Variants in GRIK4 observed in about 807,000 individuals in gnomAD.
The protein encoded by GRIK4 is glutamate ionotropic receptor kainate type subunit 4, also known as glutamate receptor ionotropic, kainate 4.
In GRIK4, 40 loss-of-function variants were observed where a neutral mutation model predicts 104.9. The observed-to-expected ratio is 0.38, with a 90% CI of 0.30 to 0.50. GRIK4 has a LOEUF of 0.50. Among genes scored for constraint, GRIK4 ranks in the 20% least tolerant of loss-of-function variants. The pLI is 0.93. For synonymous variants in GRIK4, 485 were observed against 524.9 expected (o/e 0.92, Z 1.04); for missense variants, 1,047 against 1,308.1 (o/e 0.80, Z 3.08).
At chr11:120,755,612 C>CA (rs1015268446) in intron 3 of GRIK4, among the ~76,000 whole-genome samples, 54 of 148,876 alleles carry the variant, frequency 3.6e-4, no homozygotes, top group African/African-American at 9.2e-4. Flanking sequence ...GACCTTGTCT[C>CA]AAAAAAATAA....
At chr11:120,978,687 G>C (rs1219566374) in intron 19 of GRIK4, among the ~76,000 whole-genome samples, 1 of 152,154 alleles carries the variant, frequency 6.6e-6, no homozygotes, top group Admixed American at 6.5e-5. Context: ...GGAATAGGGA[G>C]AAGGGTAAGA....
At position 120,905,511 on chromosome 11, in the gene GRIK4, G is replaced by A; in HGVS notation, c.1476+18G>A. The stretch of plus-strand genomic sequence containing the variant: ...TCGCTAGGGTAAGGAGAGGACAAGT[G>A]ATCTGGGCCTGAGGGTGGGCTGGGA... On this transcript the variant is annotated intron_variant, in intron 13 of 20. Transcript: ENST00000527524. This position sits in a 1 kb window ranked among gnomAD's most constrained non-coding sequence, Gnocchi z 5.1. 3.3e-6 allele frequency: 2 copies of A among 604,004 alleles called. No individual in the cohort carries two copies. The highest frequency in any genetic ancestry group is 2.8e-5 in the South Asian group (2 of 72,322). The allele number at this position is 604,004 out of a possible 1,614,324, so 37.4% of individuals were successfully genotyped here.
chr11:120,880,905 C>T (rs1003576422), intron 11 of GRIK4, among the ~76,000 whole-genome samples: 1 of 152,092 alleles, frequency 6.6e-6, no homozygotes, highest in Non-Finnish European at 1.5e-5. Context: ...TGTCAGGGGC[C>T]GGGAATGTAA....
intron 4 of GRIK4, 152 bp from the exon 5 acceptor site, chr11:120,815,226 A>T (rs748617799): frequency 7.7e-5 from 45 of 581,298 alleles, no homozygotes; most frequent in Non-Finnish European, 1.3e-4. Flanking sequence ...AGAAGGAGAG[A>T]CTCTGGGTTT....
chr11:120,666,043 A>G (rs1057488740), intron 3 of GRIK4, among the ~76,000 whole-genome samples: 4 of 152,252 alleles, frequency 2.6e-5, no homozygotes, highest in African/African-American at 7.2e-5. Flanking sequence ...TCCGTTTTAC[A>G]GATAAGAAAT....
At chr11:120,707,383 G>A (rs548992547) in intron 3 of GRIK4, among the ~76,000 whole-genome samples, 23 of 152,274 alleles carry the variant, frequency 1.5e-4, no homozygotes, top group African/African-American at 5.3e-4. Context: ...CTGCCAGTGC[G>A]GGTAAAATCA....
At chr11:120,724,097 G>A (rs1435859451) in intron 3 of GRIK4, among the ~76,000 whole-genome samples, 1 of 152,168 alleles carries the variant, frequency 6.6e-6, no homozygotes, top group Non-Finnish European at 1.5e-5. Context: ...TTAGCGTAAT[G>A]CATTTTACAA....
rs574925741 is a variant in GRIK4, at chr11:120,824,769, C to T, written c.511+4849C>T. Among the ~76,000 whole-genome samples, 35 of 152,010 alleles carry T rather than the reference C, an allele frequency of 2.3e-4. No individual in the cohort carries two copies. In the East Asian group the frequency reaches 2.7e-3, roughly 12 times the overall value. ...TTCACCATGTTGGCCAGGCTGGTCTCGAACCCCTGACCTCAGGTGATCTGC... is the reference window on the plus strand; with the variant it reads ...TTCACCATGTTGGCCAGGCTGGTCTTGAACCCCTGACCTCAGGTGATCTGC... On this transcript the variant is annotated intron_variant, in intron 6 of 20. Coordinates refer to ENST00000527524, the MANE Select transcript of GRIK4 (RefSeq NM_014619.5).
chr11:120,986,118 C>G lies in GRIK4; in HGVS notation c.2729C>G (p.Ala910Gly). The G allele has an allele frequency of 6.6e-7, 1 of 1,517,194 alleles. No individual in the cohort carries two copies. The highest frequency in any genetic ancestry group is 1.2e-5 in the South Asian group (1 of 82,142). The allele number at this position is 1,517,194 out of a possible 1,614,324, so 94.0% of individuals were successfully genotyped here. The change falls in exon 21 of 21, where the codon GCC becomes GGC. Residue 910 changes from alanine (A) to glycine (G), a missense_variant. By Grantham distance (60) the Ala-to-Gly change is moderately conservative. This residue lies in a region of GRIK4 where 160 missense variants were observed against 140.9 expected (regional missense o/e 1.14). Transcript: ENST00000527524. ...GCGCAGAGACTGGCGCAGGAGGCCGCCCTGGTGGCCCGCGGCTGCACGCAC... is the reference window on the plus strand; with the variant it reads ...GCGCAGAGACTGGCGCAGGAGGCCGGCCTGGTGGCCCGCGGCTGCACGCAC... ...QLAQRLAQEA[A>G]LVARGCTHIR...
chr11:120,926,535 G>A (rs200324503), intron 13 of GRIK4, among the ~76,000 whole-genome samples: 13 of 152,220 alleles, frequency 8.5e-5, no homozygotes, highest in African/African-American at 3.1e-4. Flanking sequence ...AAGAGGTTAA[G>A]TAACTGGCCT....
chr11:120,841,624 A>G (rs1448390314), intron 8 of GRIK4, among the ~76,000 whole-genome samples: 1 of 152,152 alleles, frequency 6.6e-6, no homozygotes, highest in East Asian at 1.9e-4. Context: ...CCTTTTGTGT[A>G]TATGCCTAAG....
rs1002466171 is a variant in GRIK4 at position 120,650,831 on chromosome 11, G to A, written c.-158-2854G>A. Reference sequence around the variant, plus strand: ...TGGGAACAACATAGATCTTTTGGCCGCAAAAGCACTTTACTCACCTGCAAA... The same window carrying A: ...TGGGAACAACATAGATCTTTTGGCCACAAAAGCACTTTACTCACCTGCAAA... On this transcript the variant is annotated intron_variant, in intron 1 of 20. Transcript: ENST00000527524. Among the ~76,000 whole-genome samples, 3 of 152,260 alleles carry A rather than the reference G, an allele frequency of 2.0e-5. No individual in the cohort carries two copies. In the South Asian group the frequency reaches 6.2e-4, roughly 32 times the overall value.
chr11:120,645,787 G>A (rs1949535468), intron 1 of GRIK4, among the ~76,000 whole-genome samples: 1 of 152,188 alleles, frequency 6.6e-6, no homozygotes, highest in Admixed American at 6.5e-5. Flanking sequence ...TGGCTGGGTC[G>A]GCTGGAAAAC....
Position 120,874,198 on chromosome 11 carries a change from C to T in GRIK4, c.1039C>T (p.Leu347Phe), listed in dbSNP as rs747809235. The change falls in exon 10 of 21, where the codon CTC becomes TTC. Residue 347 changes from leucine to phenylalanine, a missense_variant. Leu to Phe is a conservative substitution (Grantham distance 22, BLOSUM62 0). Transcript: ENST00000527524. ...SAQIWQHGTSLMNYLRMVELE... is the reference protein window; with the variant it reads ...SAQIWQHGTSFMNYLRMVELE... ...CCAGATCTGGCAGCACGGCACCAGCCTCATGAACTACCTGCGCATGGTGAG... is the reference window on the plus strand; with the variant it reads ...CCAGATCTGGCAGCACGGCACCAGCTTCATGAACTACCTGCGCATGGTGAG... 7 of 1,612,672 alleles carry T rather than the reference C, an allele frequency of 4.3e-6. No individual in the cohort carries two copies. The South Asian group carries it at 5.5e-5, about 13-fold the overall frequency.
chr11:120,669,312 C>A (rs75256341), intron 3 of GRIK4, among the ~76,000 whole-genome samples: 2,312 of 152,296 alleles, frequency 0.015, 30 homozygotes, highest in Middle Eastern at 0.041. Flanking sequence ...ACCCTCTTAG[C>A]CTGGTGGACT....
chr11:120,921,791 C>G (rs1398494694), intron 13 of GRIK4, among the ~76,000 whole-genome samples: 1 of 152,192 alleles, frequency 6.6e-6, no homozygotes, highest in Non-Finnish European at 1.5e-5. Flanking sequence ...GATTGACCCT[C>G]CAGTCTCCAA....
Position 120,862,043 on chromosome 11 carries a change from T to C in GRIK4, c.829T>C (p.Phe277Leu). 6.2e-7 allele frequency: 1 copy of C among 1,614,076 alleles called. No homozygotes were observed. The highest frequency in any genetic ancestry group is 1.1e-5 in the South Asian group (1 of 91,072). The stretch of plus-strand genomic sequence containing the variant: ...TTCCATTTTCAACCAATCCCATGCT[T>C]TCTTCCAAGAGTTTGCCCAGAGCCT... ...GFSIFNQSHA[F>L]FQEFAQSLNQ... Residue 277 changes from phenylalanine to leucine, a missense_variant, in exon 9 of 21, where the codon TTC becomes CTC. This residue lies in a region of GRIK4 where 447 missense variants were observed against 514.9 expected (regional missense o/e 0.87). Transcript: ENST00000527524.
chr11:120,732,773 A>C (rs1017437960), intron 3 of GRIK4, among the ~76,000 whole-genome samples: 6 of 152,194 alleles, frequency 3.9e-5, no homozygotes, highest in African/African-American at 1.4e-4. Context: ...TCTGTCCTTG[A>C]GAATGATCCA....
intron 3 of GRIK4, among the ~76,000 whole-genome samples, chr11:120,792,029 C>G (rs1028613218): frequency 1.3e-5 from 2 of 152,080 alleles, no homozygotes; most frequent in East Asian, 3.9e-4. Flanking sequence ...AATTAAACCT[C>G]GAAAGTTGAA....
Sources: allele counts gnomAD v4.1 joint callset (sites outside exome capture counted in the v4.1 genomes callset), GRCh38; gene constraint gnomAD v4.1.1; regional missense constraint gnomAD v4.1.1; non-coding constraint Gnocchi (gnomAD v3.1); transcripts MANE v1.5; gene names NCBI Gene and HGNC (gene_info 2026-07-23, HGNC 2026-07-21).